The following PSIP1 variants were observed in gnomAD, a reference collection of about 807,000 sequenced individuals.
The protein encoded by PSIP1 is PC4 and SRSF1 interacting protein 1, also known as PC4 and SFRS1-interacting protein.
In PSIP1, 19 loss-of-function variants were observed where a neutral mutation model predicts 74.7. The ratio of observed to expected loss-of-function variants is 0.25; its 90% CI spans 0.18 to 0.37. The LOEUF (loss-of-function observed/expected upper bound fraction) is 0.37, where lower values mean the gene tolerates loss of function less well. Ranked by LOEUF, PSIP1 falls within the 10% of genes least tolerant of loss-of-function variation. The pLI is 1.00. For synonymous variants in PSIP1, 222 were observed against 195.3 expected, an observed-to-expected ratio of 1.14 and a Z score of -1.14; for missense variants, 601 against 614.3, an observed-to-expected ratio of 0.98 and a Z score of 0.23.
At chr9:15,473,002 AGTCT>A (rs1302413805) in intron 9 of PSIP1, among the ~76,000 whole-genome samples, 1 of 152,186 alleles carries the variant, frequency 6.6e-6, no homozygotes, top group Non-Finnish European at 1.5e-5. Context: ...ATAGTATGTC[AGTCT>A]GTTTGCCTCT....
At chr9:15,509,037 C>G (rs2037728860) in intron 2 of PSIP1, among the ~76,000 whole-genome samples, 3 of 152,184 alleles carry the variant, frequency 2.0e-5, no homozygotes, top group African/African-American at 7.2e-5. Context: ...AGTCAAGGAA[C>G]AGTGATCGTT....
chr9:15,490,353 G>A (rs1006860100), intron 3 of PSIP1, among the ~76,000 whole-genome samples: 2 of 152,166 alleles, frequency 1.3e-5, no homozygotes, highest in African/African-American at 4.8e-5. Flanking sequence ...GTTGCACAAT[G>A]TGAATGTACT....
intron 8 of PSIP1, 70 bp downstream of exon 8, chr9:15,478,407 C>G (rs897289049): frequency 8.2e-6 from 9 of 1,100,548 alleles, no homozygotes; most frequent in Non-Finnish European, 1.2e-5. Flanking sequence ...GATAAAATCG[C>G]AGAGATATGT....
At chr9:15,473,866 A>G in intron 9 of PSIP1, 143 bp downstream of exon 9, 1 of 582,168 alleles carries the variant, frequency 1.7e-6, no homozygotes, top group South Asian at 3.6e-5. Flanking sequence ...GTGCCACTGC[A>G]CTCCAGCCTA....
intron 1 of PSIP1, among the ~76,000 whole-genome samples, 168 bp downstream of exon 1, chr9:15,510,649 A>G (rs73408314): frequency 0.028 from 4,209 of 152,108 alleles, 187 homozygotes; most frequent in African/African-American, 0.095. Flanking sequence ...GGATTCCGAG[A>G]AGCGAGCGGC....
At chr9:15,490,198 T>A (rs568613618) in intron 3 of PSIP1, 74 bp from the exon 4 acceptor site, 1 of 1,311,366 alleles carries the variant, frequency 7.6e-7, no homozygotes, top group Non-Finnish European at 1.0e-6. Flanking sequence ...GACACCCTAT[T>A]ACACAATTAT....
In PSIP1 at chr9:15,510,233, G is replaced by A. The variant is rs767981308; in HGVS notation, c.-45C>T. ...GGGTCCGAAGCCCGGGAGGCGGCGAGGAGATGCGGCGGCGCGGGGATGCGG... is the reference window on the plus strand; with the variant it reads ...GGGTCCGAAGCCCGGGAGGCGGCGAAGAGATGCGGCGGCGCGGGGATGCGG... On this transcript the variant is annotated 5_prime_UTR_variant, in exon 2 of 16. Transcript: ENST00000380733. 1 of 1,573,378 alleles carries A rather than the reference G, an allele frequency of 6.4e-7. No homozygotes were observed. Among genetic ancestry groups the A allele is most frequent in the South Asian group, 1.1e-5 (1 of 87,778 alleles).
At chr9:15,471,895 T>A (rs1279896929) in intron 10 of PSIP1, 1 of 982,916 alleles carries the variant, frequency 1.0e-6, no homozygotes, top group Non-Finnish European at 1.2e-6. Flanking sequence ...AGTCAGAATG[T>A]AAGACGCTTC....
At chr9:15,500,853 C>A (rs536507738) in intron 3 of PSIP1, among the ~76,000 whole-genome samples, 1 of 152,238 alleles carries the variant, frequency 6.6e-6, no homozygotes, top group Admixed American at 6.5e-5. Context: ...TAGGAATAGT[C>A]CCTGAATTAG....
At position 15,474,236 on chromosome 9, in the gene PSIP1, T is replaced by C; in HGVS notation, c.631A>G (p.Ile211Val). The C allele has an allele frequency of 6.2e-7, 1 of 1,603,502 alleles. No individual in the cohort carries two copies. The highest frequency in any genetic ancestry group is 8.5e-7 in the Non-Finnish European group (1 of 1,175,146). ...KQPCPSESDI[I>V]TEEDKSKKKG... is the part of the protein sequence containing the mutation. ...TTCTTACTTTTGTCCTCTTCAGTAA[T>C]GCTATTTTAGAGAACATAACAATGT... The change falls in exon 9 of 16, where the codon ATT becomes GTT. Residue 211 changes from isoleucine to valine, a missense_variant and splice_region_variant. By Grantham distance (29) the Ile-to-Val change is conservative (BLOSUM62 3). Coordinates refer to ENST00000380733, the MANE Select transcript of PSIP1 (RefSeq NM_033222.5).
chr9:15,510,714 C>G (rs1027445697), intron 1 of PSIP1, 103 bp downstream of exon 1: 1 of 152,354 alleles, frequency 6.6e-6, no homozygotes. Context: ...CGGCTGCAGC[C>G]TCGGCCCCCT....
chr9:15,507,938 C>CCTG (rs2037674983), intron 2 of PSIP1, among the ~76,000 whole-genome samples: 2 of 152,186 alleles, frequency 1.3e-5, no homozygotes, highest in African/African-American at 4.8e-5. Context: ...GTTATCTCAA[C>CCTG]TTTGTGGGAA....
At chr9:15,466,992 T>C (rs1464517745) in intron 14 of PSIP1, 133 bp from the exon 15 acceptor site, 1 of 683,216 alleles carries the variant, frequency 1.5e-6, no homozygotes, top group East Asian at 2.9e-5. Context: ...TTATTTGAAA[T>C]TACATTGTAA....
At position 15,510,331 on chromosome 9, in the gene PSIP1, T is replaced by C. The variant is rs1014412502; in HGVS notation, c.-141-2A>G. 27 of 425,984 alleles carry C rather than the reference T, an allele frequency of 6.3e-5. No individual in the cohort carries two copies. Among genetic ancestry groups the C allele is most frequent in the Non-Finnish European group, 9.5e-5 (25 of 262,074 alleles). 26.4% of individuals were successfully genotyped at this position (425,984 alleles called of 1,614,324 possible). ...CCTCGGGGCGTCCCGACGCGCCTGC[T>C]AGGGAGAGCACCGAGGGCGGTTAAA... On this transcript the variant is annotated splice_acceptor_variant, in intron 1 of 15. Coordinates refer to ENST00000380733, the MANE Select transcript of PSIP1 (RefSeq NM_033222.5). LOFTEE classifies it low-confidence loss of function (5UTR_SPLICE).
At chr9:15,509,237 T>C (rs1023819230) in intron 2 of PSIP1, among the ~76,000 whole-genome samples, 1 of 152,252 alleles carries the variant, frequency 6.6e-6, no homozygotes, top group Non-Finnish European at 1.5e-5. Context: ...CCCATGTAAG[T>C]ATATTTTTAA....
chr9:15,508,326 CAG>C (rs1334362312), intron 2 of PSIP1, among the ~76,000 whole-genome samples: 2 of 152,058 alleles, frequency 1.3e-5, no homozygotes, highest in Non-Finnish European at 2.9e-5. Context: ...CTGTTGGACA[CAG>C]AATACACCAA....
At chr9:15,497,453 A>C (rs1376894566) in intron 3 of PSIP1, among the ~76,000 whole-genome samples, 1 of 151,684 alleles carries the variant, frequency 6.6e-6, no homozygotes, top group East Asian at 1.9e-4. Context: ...TAGCCTCCCA[A>C]GTAGCTGGAA....
At position 15,506,634 on chromosome 9, in the gene PSIP1, C is replaced by T. The variant is rs2037600560; in HGVS notation, c.76G>A (p.Asp26Asn). 1 of 1,607,968 alleles carries T rather than the reference C, an allele frequency of 6.2e-7. No individual in the cohort carries two copies. The highest frequency in any genetic ancestry group is 8.5e-7 in the Non-Finnish European group (1 of 1,175,036). Reference protein sequence around the residue: ...KGYPHWPARVDEVPDGAVKPP... With the variant: ...KGYPHWPARVNEVPDGAVKPP... ...TTTACAGCTCCATCAGGAACTTCGT[C>T]TACCTAAAAGAAAAGTGAGAAAAAT... Residue 26 changes from aspartate to asparagine, a missense_variant, in exon 3 of 16, where the codon GAC (aspartate) becomes AAC (asparagine). Physicochemically the swap from Asp to Asn is conservative, Grantham distance 23. Around this residue, in one of 2 missense-constraint regions of PSIP1, gnomAD observed 63 missense variants for 106.7 expected, o/e 0.59. Transcript: ENST00000380733.
chr9:15,484,105 C>A (rs2036453860), intron 6 of PSIP1, among the ~76,000 whole-genome samples: 2 of 137,304 alleles, frequency 1.5e-5, no homozygotes, highest in African/African-American at 2.8e-5. Flanking sequence ...GCACTCCAGT[C>A]TGGGTGACAG....
Sources: gnomAD v4.1 joint callset for allele counts (sites outside exome capture counted in the v4.1 genomes callset) on GRCh38, gnomAD v4.1.1 for gene constraint, gnomAD v4.1.1 regional missense constraint, MANE v1.5 for transcripts, NCBI Gene and HGNC (gene_info 2026-07-23, HGNC 2026-07-21) for gene names.